NELL1: variants seen among roughly 807,000 people sequenced by gnomAD.
NELL1 encodes protein kinase C-binding protein NELL1.
In NELL1, 76 loss-of-function variants were observed where a neutral mutation model predicts 107.4. That is an observed-to-expected ratio of 0.71 (90% CI 0.59 to 0.86). The LOEUF (loss-of-function observed/expected upper bound fraction) is 0.86, where lower values mean the gene tolerates loss of function less well. Among genes scored for constraint, NELL1 ranks in the 40% least tolerant of loss-of-function variants. NELL1 has a pLI of 0.00. For synonymous variants in NELL1, 353 were observed against 341.2 expected (o/e 1.03, Z -0.38); for missense variants, 1,024 against 1,005.5 (o/e 1.02, Z -0.25).
At chr11:21,378,251 A>G (rs1178338407) in intron 15 of NELL1, among the ~76,000 whole-genome samples, 1 of 96,596 alleles carries the variant, frequency 1.0e-5, no homozygotes, top group African/African-American at 4.8e-5. Flanking sequence ...TTTTTAAAAA[A>G]TATGCATATA....
intron 3 of NELL1, among the ~76,000 whole-genome samples, chr11:20,784,121 T>C (rs1377901787): frequency 3.9e-5 from 6 of 152,246 alleles, no homozygotes; most frequent in Non-Finnish European, 8.8e-5. Context: ...TAGTTAGTTA[T>C]GTTTAACAAC....
At chr11:21,274,724 T>A (rs894771982) in intron 14 of NELL1, among the ~76,000 whole-genome samples, 8 of 152,116 alleles carry the variant, frequency 5.3e-5, no homozygotes, top group African/African-American at 1.9e-4. Context: ...GCAATCAAAC[T>A]AGAACTCAGG....
rs141610479 is a variant in NELL1 at position 21,412,352 on chromosome 11, C to G, written c.1645+41404C>G. Among the ~76,000 whole-genome samples the G allele has an allele frequency of 5.9e-4, 89 of 152,082 alleles. 1 individual carries two copies. Among genetic ancestry groups the G allele is most frequent in the African/African-American group, 1.9e-3 (80 of 41,510 alleles). On this transcript the variant is annotated intron_variant, in intron 15 of 19. Transcript: ENST00000357134. ...TGATTTTGTAATTAAATAATAGGAG[C>G]TATAATTTATAAATGCCTACTAAAT... is the stretch of plus-strand genomic sequence containing the variant.
intron 12 of NELL1, among the ~76,000 whole-genome samples, chr11:21,051,227 T>G (rs914342854): frequency 2.6e-5 from 4 of 152,124 alleles, no homozygotes; most frequent in African/African-American, 9.7e-5. Flanking sequence ...AATAATAGCA[T>G]TCACAGCAAC....
intron 12 of NELL1, among the ~76,000 whole-genome samples, chr11:21,067,754 C>A (rs574101888): frequency 8.6e-5 from 13 of 151,912 alleles, no homozygotes; most frequent in Non-Finnish European, 1.2e-4. Flanking sequence ...TATTCTAGGC[C>A]GGGCATGGTG....
At chr11:20,830,955 G>C (rs1054332962) in intron 3 of NELL1, among the ~76,000 whole-genome samples, 3 of 152,074 alleles carry the variant, frequency 2.0e-5, no homozygotes, top group Non-Finnish European at 4.4e-5. Flanking sequence ...ATGAGTTTTG[G>C]TGGGGACAAA....
At chr11:21,284,587 T>A (rs75136481) in intron 14 of NELL1, 2 of 447,980 alleles carry the variant, frequency 4.5e-6, no homozygotes, top group African/African-American at 4.0e-5. Context: ...CCCCAACAGT[T>A]TGATGTCATG....
chr11:20,727,158 A>C (rs1019397360), intron 2 of NELL1, among the ~76,000 whole-genome samples: 3 of 152,170 alleles, frequency 2.0e-5, no homozygotes, highest in African/African-American at 7.2e-5. Flanking sequence ...TCTAGATCCT[A>C]GAGGAATCTC....
intron 13 of NELL1, among the ~76,000 whole-genome samples, chr11:21,188,400 C>G (rs1856978465): frequency 6.6e-6 from 1 of 151,786 alleles, no homozygotes; most frequent in African/African-American, 2.4e-5. Context: ...ATGTGTTTGG[C>G]TCCCATAGCA....
At chr11:21,466,496 G>GC in intron 15 of NELL1, among the ~76,000 whole-genome samples, 1 of 152,186 alleles carries the variant, frequency 6.6e-6, no homozygotes. Flanking sequence ...ATGGTAGGAA[G>GC]TGCAAACAGG....
At chr11:21,268,247 C>T (rs1014993999) in intron 14 of NELL1, among the ~76,000 whole-genome samples, 16 of 151,986 alleles carry the variant, frequency 1.1e-4, no homozygotes, top group East Asian at 1.9e-4. Context: ...CGGAGGATGG[C>T]GATAGAGAGG....
At chr11:20,693,299 A>T (rs1460034709) in intron 2 of NELL1, among the ~76,000 whole-genome samples, 7 of 151,602 alleles carry the variant, frequency 4.6e-5, no homozygotes, top group Non-Finnish European at 8.8e-5. Context: ...TAAAGCTAAT[A>T]TTGTCGTATG....
rs146628729 is a variant in NELL1 at position 21,335,274 on chromosome 11, A to G, written c.1550-35579A>G. ...TCTAAATATTTTTTGCAGTTACATC[A>G]AGAGCTAGAAAAGGACAAATATCCT... On this transcript the variant is annotated intron_variant, in intron 14 of 19. Coordinates refer to ENST00000357134, the MANE Select transcript of NELL1 (RefSeq NM_006157.5). Among the ~76,000 whole-genome samples, 534 of 152,144 alleles carry G rather than the reference A, an allele frequency of 3.5e-3. 6 individuals carry two copies. The highest frequency in any genetic ancestry group is 0.012 in the African/African-American group (503 of 41,540).
chr11:21,543,901 A>G (rs1856361601), intron 16 of NELL1, among the ~76,000 whole-genome samples: 1 of 151,994 alleles, frequency 6.6e-6, no homozygotes, highest in Admixed American at 6.6e-5. Context: ...GTTGTTTTCT[A>G]TGTGTACTTT....
At chr11:20,671,245 C>G (rs556119413) in intron 1 of NELL1, 1 of 152,294 alleles carries the variant, frequency 6.6e-6, no homozygotes, top group African/African-American at 2.4e-5. Context: ...AACCAGGACA[C>G]GCTGAAGGAG....
intron 15 of NELL1, among the ~76,000 whole-genome samples, chr11:21,439,560 C>T (rs148312535): frequency 4.7e-4 from 71 of 152,216 alleles, no homozygotes; most frequent in Non-Finnish European, 9.6e-4. Context: ...ACTTGATCAG[C>T]ATTAAATGGA....
intron 4 of NELL1, among the ~76,000 whole-genome samples, chr11:20,853,861 C>A (rs991996107): frequency 4.6e-5 from 7 of 152,112 alleles, no homozygotes; most frequent in African/African-American, 1.7e-4. Context: ...ATGCTTTTTA[C>A]ACCAATAGAA....
At chr11:21,066,906 A>T (rs1853886491) in intron 12 of NELL1, among the ~76,000 whole-genome samples, 1 of 152,030 alleles carries the variant, frequency 6.6e-6, no homozygotes, top group Non-Finnish European at 1.5e-5. Flanking sequence ...GTGAGCCAAG[A>T]TTGCACCACT....
At chr11:21,321,621 C>T (rs1415227463) in intron 14 of NELL1, among the ~76,000 whole-genome samples, 3 of 152,204 alleles carry the variant, frequency 2.0e-5, no homozygotes, top group African/African-American at 7.2e-5. Context: ...AGCTCTCTCA[C>T]TTGATCCTAT....
Sources: allele counts gnomAD v4.1 joint callset (sites outside exome capture counted in the v4.1 genomes callset), GRCh38; gene constraint gnomAD v4.1.1; transcripts MANE v1.5; gene names NCBI Gene and HGNC (gene_info 2026-07-23, HGNC 2026-07-21).